Variants in ZNF276 observed in about 807,000 individuals in gnomAD.
ZNF276 encodes the protein centromere protein Z.
Under a neutral mutation model 63.9 loss-of-function variants are expected in ZNF276, and 59 were observed. That is an observed-to-expected ratio of 0.92 (90% CI 0.75 to 1.15). The LOEUF is 1.15. Among genes scored for constraint, ZNF276 ranks in the 50% most tolerant of loss-of-function variants. ZNF276 has a pLI of 0.00. For missense variants in ZNF276, 1,084 were observed against 843.8 expected, an observed-to-expected ratio of 1.28 and a Z score of -3.53; for synonymous variants, 496 against 348.4, an observed-to-expected ratio of 1.42 and a Z score of -4.72.
chr16:89,735,835 C>T (rs1333557997), intron 9 of ZNF276, among the ~76,000 whole-genome samples: 2 of 152,086 alleles, frequency 1.3e-5, no homozygotes. Flanking sequence ...CTGTCTCAGC[C>T]TCCTGAGTAG....
rs1263059254 is a variant in ZNF276 at position 89,737,065 on chromosome 16, G to GAT, written c.1475-740_1475-739dup. On this transcript the variant is annotated intron_variant, in intron 9 of 10. Coordinates refer to ENST00000443381, the MANE Select transcript of ZNF276 (RefSeq NM_001113525.2). ...GTGGCATTTGTGGACTAGCAAGTGA[G>GAT]ATCTCTTTGTTCAAGGGTGTGAGAA... Among the ~76,000 whole-genome samples the GAT allele has an allele frequency of 2.6e-5, 4 of 152,262 alleles. No individual in the cohort carries two copies. In the East Asian group the frequency reaches 7.7e-4, roughly 29 times the overall value.
At position 89,722,747 on chromosome 16, in the gene ZNF276, C is replaced by G; in HGVS notation, c.422C>G (p.Ala141Gly). Residue 141 changes from alanine (A) to glycine (G), a missense_variant, in exon 2 of 11, where the codon GCC (alanine) becomes GGC (glycine). Transcript: ENST00000443381. The part of the protein sequence containing the change: ...LSPFVCKSCH[A>G]QFYQCHSLLK... ...CCGTTTGTCTGCAAGAGCTGCCACG[C>G]CCAGTTCTACCAGTGCCACAGCCTT... 3 of 1,611,560 alleles carry G rather than the reference C, an allele frequency of 1.9e-6. No individual in the cohort carries two copies. The highest frequency in any genetic ancestry group is 1.3e-5 in the African/African-American group (1 of 75,066).
chr16:89,736,065 G>A (rs755745505), intron 9 of ZNF276, among the ~76,000 whole-genome samples: 2 of 151,100 alleles, frequency 1.3e-5, no homozygotes, highest in African/African-American at 2.4e-5. Flanking sequence ...CTAATTTTTC[G>A]TATTTTCAGT....
chr16:89,723,420 C>G lies in ZNF276; in HGVS notation c.717C>G (p.Asp239Glu). 1 of 1,613,086 alleles carries G rather than the reference C, an allele frequency of 6.2e-7. No individual in the cohort carries two copies. The highest frequency in any genetic ancestry group is 8.5e-7 in the Non-Finnish European group (1 of 1,180,038). Residue 239 changes from aspartate to glutamate, a missense_variant, in exon 4 of 11, where the codon GAC becomes GAG. Transcript: ENST00000443381. ...QVVWGCDQGH[D>E]YTMDTSSSCK... ...TGTGGGGCTGCGACCAGGGCCACGA[C>G]TACACCATGGATACCAGCTCCAGCT...
In ZNF276 at chr16:89,739,372, G is replaced by A; in HGVS notation, c.*1126G>A. ...TGCCAAGGGATACTGCTCATCTGTG[G>A]AGCAGAGGCACAGACAACCCTTCCC... On this transcript the variant is annotated 3_prime_UTR_variant, in exon 11 of 11. Coordinates refer to ENST00000443381, the MANE Select transcript of ZNF276 (RefSeq NM_001113525.2). 1 of 1,590,690 alleles carries A rather than the reference G, an allele frequency of 6.3e-7. No homozygotes were observed. The highest frequency in any genetic ancestry group is 8.6e-7 in the Non-Finnish European group (1 of 1,163,822).
At chr16:89,725,022 C>T (rs547551960) in intron 4 of ZNF276, among the ~76,000 whole-genome samples, 7 of 152,300 alleles carry the variant, frequency 4.6e-5, no homozygotes, top group Middle Eastern at 3.4e-3. Context: ...CTTGGCTCAC[C>T]GCTACCTCAG....
intron 9 of ZNF276, among the ~76,000 whole-genome samples, chr16:89,735,789 A>T (rs1005809371): frequency 1.3e-5 from 2 of 151,936 alleles, no homozygotes; most frequent in African/African-American, 4.8e-5. Flanking sequence ...ATCTTGGCTC[A>T]CTGTAACCTC....
At chr16:89,731,562 C>G (rs903069771) in intron 6 of ZNF276, 1 of 152,300 alleles carries the variant, frequency 6.6e-6, no homozygotes, top group Non-Finnish European at 1.5e-5. Flanking sequence ...TCAATGCACT[C>G]TTTAAAGAGA....
rs542753321 is a variant in ZNF276, at chr16:89,728,629, C to G, written c.1086-606C>G. 2.4e-3 allele frequency among the ~76,000 whole-genome samples: 360 copies of G among 152,266 alleles called. 1 individual carries two copies. Among genetic ancestry groups the G allele is most frequent in the Non-Finnish European group, 3.7e-3 (253 of 68,008 alleles). On this transcript the variant is annotated intron_variant, in intron 5 of 10. Coordinates refer to ENST00000443381, the MANE Select transcript of ZNF276 (RefSeq NM_001113525.2). ...TTGTTAGCCGGGATGGTCTTGATCT[C>G]CTGACCTCGTGATCCGCCCGCCTCT...
Position 89,723,195 on chromosome 16 carries a change from C to T in ZNF276, c.556+12C>T. ...GGGAGCGTGTCTGGGTGAGTCCTCC[C>T]CCGGTGGAGGGTGGGCTGGGTGCCG... On this transcript the variant is annotated intron_variant, in intron 3 of 10. Transcript: ENST00000443381. The T allele has an allele frequency of 1.2e-6, 2 of 1,613,182 alleles. No homozygotes were observed. The highest frequency in any genetic ancestry group is 1.7e-6 in the Non-Finnish European group (2 of 1,180,010).
intron 6 of ZNF276, chr16:89,733,065 G>A (rs1007207595): frequency 3.1e-5 from 17 of 540,082 alleles, no homozygotes; most frequent in African/African-American, 2.3e-4. Flanking sequence ...GCCCTCTGCT[G>A]TGTTCACCCC....
upstream of ZNF276, chr16:89,721,426 T>G (rs961535211): frequency 7.0e-6 from 3 of 428,770 alleles, no homozygotes; most frequent in Admixed American, 4.6e-5. Context: ...AGGGGAGCGG[T>G]ACGAGCGGGG....
chr16:89,737,778 C>T (rs2061991059), intron 9 of ZNF276, 28 bp from the exon 10 acceptor site: 2 of 1,614,034 alleles, frequency 1.2e-6, no homozygotes, highest in Non-Finnish European at 8.5e-7. Flanking sequence ...CATCAGGGGC[C>T]TGGACTCACT....
intron 9 of ZNF276, among the ~76,000 whole-genome samples, chr16:89,736,838 G>C (rs72807547): frequency 6.6e-6 from 1 of 151,104 alleles, no homozygotes; most frequent in Non-Finnish European, 1.5e-5. Flanking sequence ...CTGGGAGGTG[G>C]AGTTTCCAGT....
At chr16:89,736,843 T>C (rs1294155272) in intron 9 of ZNF276, among the ~76,000 whole-genome samples, 3 of 145,644 alleles carry the variant, frequency 2.1e-5, no homozygotes, top group Non-Finnish European at 4.5e-5. Context: ...AGGTGGAGTT[T>C]CCAGTGAGCT....
chr16:89,738,858 C>A lies in ZNF276; in HGVS notation c.*612C>A. 6.2e-7 allele frequency: 1 copy of A among 1,614,228 alleles called. No individual in the cohort carries two copies. Among genetic ancestry groups the A allele is most frequent in the Non-Finnish European group, 8.5e-7 (1 of 1,180,032 alleles). On this transcript the variant is annotated 3_prime_UTR_variant, in exon 11 of 11. Transcript: ENST00000443381. ...TCAATTCTCATGTCCCCCACATGGC[C>A]CAAGGTGGGCATCTTGACGTTACCT... is the stretch of plus-strand genomic sequence containing the variant.
Position 89,727,283 on chromosome 16 carries a change from G to T in ZNF276, c.1011G>T (p.Gln337His). ...GCCTTGTTCTTTGTTTCTCAGGGCA[G>T]TTGGGTGAGAAGCAGCTTCCATCTT... ...PSLPLCRAPG[Q>H]LGEKQLPSST... The change falls in exon 5 of 11, where the codon CAG becomes CAT. Residue 337 changes from glutamine (Q) to histidine (H), a missense_variant. Coordinates refer to ENST00000443381, the MANE Select transcript of ZNF276 (RefSeq NM_001113525.2). 1 of 1,614,160 alleles carries T rather than the reference G, an allele frequency of 6.2e-7. No homozygotes were observed. The highest frequency in any genetic ancestry group is 8.5e-7 in the Non-Finnish European group (1 of 1,180,028).
intron 9 of ZNF276, among the ~76,000 whole-genome samples, chr16:89,736,010 G>T (rs1333478585): frequency 6.6e-6 from 1 of 151,854 alleles, no homozygotes; most frequent in Non-Finnish European, 1.5e-5. Context: ...TCCTGCCTCA[G>T]CCTCCCAAAT....
At position 89,722,906 on chromosome 16, in the gene ZNF276, A is replaced by C. The variant is rs143163657; in HGVS notation, c.509+72A>C. ...GTGTGACGGGTGTTGAGAGAGGGAC[A>C]GGGCGTGCCTCCGCGGGAGCCTCTG... On this transcript the variant is annotated intron_variant, in intron 2 of 10. Coordinates refer to ENST00000443381, the MANE Select transcript of ZNF276 (RefSeq NM_001113525.2). 4.5e-4 allele frequency: 710 copies of C among 1,562,260 alleles called. 3 individuals are homozygous for C. In the African/African-American group the frequency reaches 7.8e-3, roughly 17 times the overall value.
Sources: allele counts gnomAD v4.1 joint callset (sites outside exome capture counted in the v4.1 genomes callset), GRCh38; gene constraint gnomAD v4.1.1; transcripts MANE v1.5; gene names NCBI Gene and HGNC (gene_info 2026-07-23, HGNC 2026-07-21).